The following MVB12B variants were observed in gnomAD, a reference collection of about 807,000 sequenced individuals.
MVB12B encodes ESCRT-I complex subunit MVB12B.
Under a neutral mutation model 41.6 loss-of-function variants are expected in MVB12B, and 16 were observed. The ratio of observed to expected loss-of-function variants is 0.38; its 90% CI spans 0.26 to 0.58. MVB12B has a LOEUF of 0.58. Ranked by LOEUF, MVB12B falls within the 20% of genes least tolerant of loss-of-function variation. The pLI, the probability that MVB12B is intolerant of heterozygous loss-of-function variation, is 0.62. For missense variants in MVB12B, 274 were observed against 380.2 expected (o/e 0.72, Z 2.32); for synonymous variants, 133 against 139.7 (o/e 0.95, Z 0.34).
intron 7 of MVB12B, among the ~76,000 whole-genome samples, chr9:126,464,911 G>C (rs1467211428): frequency 2.6e-5 from 4 of 152,154 alleles, no homozygotes. Context: ...AGGTTTATAC[G>C]AGAACACCTG....
intron 6 of MVB12B, among the ~76,000 whole-genome samples, chr9:126,409,046 G>C (rs910016392): frequency 1.3e-4 from 20 of 152,046 alleles, no homozygotes; most frequent in Admixed American, 7.9e-4. Flanking sequence ...ACTGTTCCTT[G>C]AGCTTTGCTG....
At position 126,346,707 on chromosome 9, in the gene MVB12B, G is replaced by C. The variant is rs113162397; in HGVS notation, c.204+6077G>C. ...ACTCCACTACCGTGGAGGGTCACTG[G>C]TTAAGGATGGGTAGAAGAGGAGGCA... On this transcript the variant is annotated intron_variant, in intron 2 of 9. Coordinates refer to ENST00000361171, the MANE Select transcript of MVB12B (RefSeq NM_033446.3). 4.1e-3 allele frequency among the ~76,000 whole-genome samples: 617 copies of C among 152,314 alleles called. 5 individuals are homozygous for C. The highest frequency in any genetic ancestry group is 0.014 in the African/African-American group (591 of 41,576).
At chr9:126,369,309 T>G (rs1274917242) in intron 2 of MVB12B, among the ~76,000 whole-genome samples, 1 of 152,210 alleles carries the variant, frequency 6.6e-6, no homozygotes, top group Non-Finnish European at 1.5e-5. Flanking sequence ...AGGTCTATTG[T>G]CTGATTTTTA....
intron 6 of MVB12B, chr9:126,397,087 A>C (rs1245026962): frequency 2.0e-6 from 2 of 985,396 alleles, no homozygotes; most frequent in Non-Finnish European, 2.4e-6. Context: ...GCTGAGGCCC[A>C]TCACTTGTAC....
chr9:126,455,887 CTTTTT>C (rs3983803), intron 7 of MVB12B, among the ~76,000 whole-genome samples: 32 of 103,042 alleles, frequency 3.1e-4, no homozygotes, highest in African/African-American at 1.1e-3. Flanking sequence ...TTCTTTCTTT[CTTTTT>C]TTTTTTTTTT....
At chr9:126,462,040 T>C (rs1833102166) in intron 7 of MVB12B, among the ~76,000 whole-genome samples, 1 of 152,230 alleles carries the variant, frequency 6.6e-6, no homozygotes, top group South Asian at 2.1e-4. Flanking sequence ...TCACACAGGA[T>C]CGTTTTAAAA....
intron 5 of MVB12B, among the ~76,000 whole-genome samples, chr9:126,394,861 G>A (rs1452050192): frequency 6.6e-6 from 1 of 152,224 alleles, no homozygotes; most frequent in Non-Finnish European, 1.5e-5. Context: ...CAACTGGGAA[G>A]TTGGAAACTG....
chr9:126,432,838 C>T (rs556778750), intron 7 of MVB12B, among the ~76,000 whole-genome samples: 2 of 152,308 alleles, frequency 1.3e-5, no homozygotes, highest in African/African-American at 4.8e-5. Flanking sequence ...CCCTCATCAA[C>T]TTGAAGGTTG....
chr9:126,473,407 G>A lies in MVB12B; in HGVS notation c.758-7962G>A, dbSNP rs947266549. Among the ~76,000 whole-genome samples, 12 of 152,184 alleles carry A rather than the reference G, an allele frequency of 7.9e-5. No individual in the cohort carries two copies. The highest frequency in any genetic ancestry group is 1.9e-4 in the African/African-American group (8 of 41,440). Reference sequence around the variant, plus strand: ...AAGTGGTGTATTAGTTCATTCTTGCGTTACTATAAAGAAATACCTGAGACT... The same window carrying A: ...AAGTGGTGTATTAGTTCATTCTTGCATTACTATAAAGAAATACCTGAGACT... On this transcript the variant is annotated intron_variant, in intron 7 of 9. Transcript: ENST00000361171. The surrounding 1 kb of genome is among the most constrained non-coding windows in gnomAD (Gnocchi z 4.0).
Position 126,395,642 on chromosome 9 carries a change from C to A in MVB12B, c.607C>A (p.Pro203Thr), listed in dbSNP as rs1287355434. The change falls in exon 6 of 10, where the codon CCC becomes ACC. Residue 203 changes from proline (P) to threonine (T), a missense_variant. Pro to Thr is a conservative substitution (Grantham distance 38). Coordinates refer to ENST00000361171, the MANE Select transcript of MVB12B (RefSeq NM_033446.3). The surrounding 1 kb of genome is among the most constrained non-coding windows in gnomAD (Gnocchi z 4.9). ...RVPRNHDSSQ[P>T]TTPSQSSAAS... Reference sequence around the variant, plus strand: ...ACCAAGAAATCATGACTCATCTCAACCCACAACGCCTTCCCAGTCATCAGC... The same window carrying A: ...ACCAAGAAATCATGACTCATCTCAAACCACAACGCCTTCCCAGTCATCAGC... The A allele has an allele frequency of 6.2e-7, 1 of 1,614,022 alleles. No individual in the cohort carries two copies. Among genetic ancestry groups the A allele is most frequent in the Admixed American group, 1.7e-5 (1 of 59,998 alleles).
At chr9:126,475,956 T>C (rs1290801796) in intron 7 of MVB12B, among the ~76,000 whole-genome samples, 1 of 140,482 alleles carries the variant, frequency 7.1e-6, no homozygotes. Context: ...TGGTCTGTCC[T>C]GAGGCTCCCG....
At chr9:126,398,597 GA>G (rs1417800623) in intron 6 of MVB12B, among the ~76,000 whole-genome samples, 1 of 152,194 alleles carries the variant, frequency 6.6e-6, no homozygotes, top group Non-Finnish European at 1.5e-5. Flanking sequence ...ATAAACCTGA[GA>G]ACCACGTCCA....
At position 126,388,724 on chromosome 9, in the gene MVB12B, C is replaced by T. The variant is rs142296392; in HGVS notation, c.409+2066C>T. Among the ~76,000 whole-genome samples the T allele has an allele frequency of 2.9e-3, 444 of 152,298 alleles. 2 individuals are homozygous for T. Among genetic ancestry groups the T allele is most frequent in the African/African-American group, 9.9e-3 (412 of 41,564 alleles). ...TGTCTGTCTTTTTGATTCTAGTCAT[C>T]TTAGTGGGTGTGAAATGGAATCTCC... On this transcript the variant is annotated intron_variant, in intron 4 of 9. Coordinates refer to ENST00000361171, the MANE Select transcript of MVB12B (RefSeq NM_033446.3).
chr9:126,460,383 CTT>C (rs1366441499), intron 7 of MVB12B, among the ~76,000 whole-genome samples: 1 of 152,180 alleles, frequency 6.6e-6, no homozygotes, highest in African/African-American at 2.4e-5. Context: ...TTCCCACATT[CTT>C]TGATTTGTTT....
chr9:126,335,477 GC>G, intron 1 of MVB12B: 1 of 1,126,516 alleles, frequency 8.9e-7, no homozygotes, highest in Non-Finnish European at 1.2e-6. Flanking sequence ...GTGAGGCCTG[GC>G]CACAGGTTCC....
intron 7 of MVB12B, 31 bp downstream of exon 7, chr9:126,421,979 C>G (rs73595697): frequency 1.3e-6 from 2 of 1,536,914 alleles, no homozygotes; most frequent in Non-Finnish European, 1.8e-6. Flanking sequence ...AGGCCAGCTA[C>G]AGAGTCTGTG....
chr9:126,496,267 ATCGCCCCACCCACC>A (rs1420811925), intron 9 of MVB12B, among the ~76,000 whole-genome samples: 3 of 112,138 alleles, frequency 2.7e-5, no homozygotes, highest in Non-Finnish European at 5.4e-5. Context: ...CCACCTACCC[ATCGCCCCACCCACC>A]CTTCCACCCA....
chr9:126,428,821 C>T (rs573325896), intron 7 of MVB12B, among the ~76,000 whole-genome samples: 59 of 152,106 alleles, frequency 3.9e-4, no homozygotes, highest in Middle Eastern at 3.5e-3. Context: ...CCACTGTCTT[C>T]TGGTGCAAGC....
At chr9:126,327,497 C>T (rs779700653) in intron 1 of MVB12B, among the ~76,000 whole-genome samples, 3 of 152,208 alleles carry the variant, frequency 2.0e-5, no homozygotes, top group Non-Finnish European at 4.4e-5. Flanking sequence ...CACCTAAACC[C>T]TCAGGCACCT....
Sources: allele counts gnomAD v4.1 joint callset (sites outside exome capture counted in the v4.1 genomes callset), GRCh38; gene constraint gnomAD v4.1.1; non-coding constraint Gnocchi (gnomAD v3.1); transcripts MANE v1.5; gene names NCBI Gene and HGNC (gene_info 2026-07-23, HGNC 2026-07-21).